The following MROH9 variants were observed in gnomAD, a reference collection of about 807,000 sequenced individuals.
The protein encoded by MROH9 is maestro heat-like repeat-containing protein family member 9.
In MROH9, 92 loss-of-function variants were observed where a neutral mutation model predicts 98.2. That is an observed-to-expected ratio of 0.94 (90% CI 0.79 to 1.11). The LOEUF (loss-of-function observed/expected upper bound fraction) is 1.11. Among genes scored for constraint, MROH9 ranks in the 50% most tolerant of loss-of-function variants. The pLI, the probability that MROH9 is intolerant of heterozygous loss-of-function variation, is 0.00. For missense variants in MROH9, 1,057 were observed against 1,014.8 expected, an observed-to-expected ratio of 1.04 and a Z score of -0.57; for synonymous variants, 397 against 368.9, an observed-to-expected ratio of 1.08 and a Z score of -0.87.
chr1:170,986,717 T>C lies in MROH9; in HGVS notation c.879+7T>C. The C allele has an allele frequency of 6.2e-7, 1 of 1,612,914 alleles. No individual in the cohort carries two copies. On this transcript the variant is annotated splice_region_variant and intron_variant, in intron 10 of 21. Transcript: ENST00000367759. ...TGCCGAGAAGGTCACCATGGTAAGA[T>C]ACTTGACAATAAGCAGGAGAGCACA...
intron 20 of MROH9, among the ~76,000 whole-genome samples, chr1:171,053,295 T>G (rs1653729140): frequency 6.6e-6 from 1 of 152,152 alleles, no homozygotes; most frequent in African/African-American, 2.4e-5. Flanking sequence ...TGAGCCCAGT[T>G]TGAAAATGTT....
chr1:171,021,886 A>C (rs1571145815), intron 17 of MROH9, among the ~76,000 whole-genome samples: 2 of 148,988 alleles, frequency 1.3e-5, no homozygotes, highest in African/African-American at 5.1e-5. Flanking sequence ...AATCTACAAG[A>C]AACTTAAATT....
At chr1:170,954,082 G>A (rs1365396243) in intron 3 of MROH9, among the ~76,000 whole-genome samples, 1 of 151,948 alleles carries the variant, frequency 6.6e-6, no homozygotes, top group African/African-American at 2.4e-5. Flanking sequence ...TTGTCACCTG[G>A]ATTCTTTCTG....
At chr1:170,965,950 G>A (rs1650219605) in intron 7 of MROH9, among the ~76,000 whole-genome samples, 1 of 151,696 alleles carries the variant, frequency 6.6e-6, no homozygotes, top group African/African-American at 2.4e-5. Context: ...ACAGTATATA[G>A]CCCATAGTTT....
chr1:170,945,432 A>G (rs560942392), intron 1 of MROH9, 88 bp from the exon 2 acceptor site: 16 of 804,660 alleles, frequency 2.0e-5, no homozygotes, highest in African/African-American at 1.7e-4. Flanking sequence ...CACATACTGT[A>G]TATCATAGTA....
chr1:171,057,417 A>G (rs1395870307), intron 20 of MROH9, among the ~76,000 whole-genome samples: 2 of 152,226 alleles, frequency 1.3e-5, no homozygotes, highest in African/African-American at 4.8e-5. Flanking sequence ...AGATTAGAGA[A>G]AAAAGAATGA....
intron 20 of MROH9, among the ~76,000 whole-genome samples, chr1:171,051,174 T>A (rs1202042044): frequency 2.6e-5 from 4 of 152,182 alleles, no homozygotes; most frequent in Non-Finnish European, 4.4e-5. Context: ...GTGTAAGACA[T>A]TGTGATATTT....
At chr1:170,994,218 T>C (rs1266578944) in intron 12 of MROH9, among the ~76,000 whole-genome samples, 1 of 152,234 alleles carries the variant, frequency 6.6e-6, no homozygotes, top group Non-Finnish European at 1.5e-5. Context: ...TCCATTGGTC[T>C]GTCTTGTCAA....
At chr1:171,046,681 A>G (rs1653482629) in intron 20 of MROH9, among the ~76,000 whole-genome samples, 1 of 152,182 alleles carries the variant, frequency 6.6e-6, no homozygotes, top group African/African-American at 2.4e-5. Flanking sequence ...TCTGCTTAGG[A>G]TAAGAATAGT....
At chr1:170,966,169 T>C (rs951037505) in intron 7 of MROH9, among the ~76,000 whole-genome samples, 6 of 152,136 alleles carry the variant, frequency 3.9e-5, no homozygotes, top group African/African-American at 1.2e-4. Context: ...TTTGCATTCA[T>C]GTAAATATTA....
At chr1:171,003,525 C>A (rs1651852714) in intron 15 of MROH9, among the ~76,000 whole-genome samples, 1 of 152,180 alleles carries the variant, frequency 6.6e-6, no homozygotes, top group South Asian at 2.1e-4. Context: ...CTGGGTCTAG[C>A]CACCCTGTGA....
intron 20 of MROH9, among the ~76,000 whole-genome samples, chr1:171,047,378 T>A (rs1416670994): frequency 6.6e-6 from 1 of 152,168 alleles, no homozygotes; most frequent in East Asian, 1.9e-4. Flanking sequence ...GTCAGCTCTA[T>A]TTTCAAATAG....
chr1:171,000,852 G>C (rs1186572778), intron 15 of MROH9, among the ~76,000 whole-genome samples: 1 of 152,066 alleles, frequency 6.6e-6, no homozygotes, highest in African/African-American at 2.4e-5. Context: ...GAATTCTGCT[G>C]TGAATCCATC....
chr1:171,062,223 T>C (rs1396793278), intron 21 of MROH9, 29 bp downstream of exon 21: 3 of 1,437,610 alleles, frequency 2.1e-6, no homozygotes, highest in East Asian at 2.5e-5. Context: ...ACAAAATCTT[T>C]ATGCATAAAT....
chr1:171,011,510 T>C (rs1038321182), intron 15 of MROH9, among the ~76,000 whole-genome samples: 2 of 152,224 alleles, frequency 1.3e-5, no homozygotes, highest in African/African-American at 4.8e-5. Flanking sequence ...TGGAGATTTA[T>C]ATTTTTCCAG....
chr1:171,062,272 AGTTCT>A (rs1654038958), intron 21 of MROH9, 78 bp downstream of exon 21: 4 of 1,040,960 alleles, frequency 3.8e-6, no homozygotes, highest in Non-Finnish European at 5.7e-6. Context: ...GTCACATATG[AGTTCT>A]GTTAGAGTGC....
intron 11 of MROH9, among the ~76,000 whole-genome samples, chr1:170,991,203 G>A (rs1184317866): frequency 3.9e-5 from 6 of 152,162 alleles, no homozygotes; most frequent in Non-Finnish European, 1.5e-5. Flanking sequence ...CTACCAGCAG[G>A]TCTAATTCTA....
chr1:171,003,175 G>T, intron 15 of MROH9, among the ~76,000 whole-genome samples: 1 of 151,594 alleles, frequency 6.6e-6, no homozygotes, highest in Admixed American at 6.6e-5. Context: ...TCCTTGCATT[G>T]GGCTTTGCCT....
At chr1:171,009,754 T>C (rs1652084981) in intron 15 of MROH9, among the ~76,000 whole-genome samples, 1 of 152,228 alleles carries the variant, frequency 6.6e-6, no homozygotes, top group African/African-American at 2.4e-5. Context: ...AGGAACCATG[T>C]CTCCTTGATA....
Sources: gnomAD v4.1 joint callset for allele counts (sites outside exome capture counted in the v4.1 genomes callset) on GRCh38, gnomAD v4.1.1 for gene constraint, MANE v1.5 for transcripts, NCBI Gene and HGNC (gene_info 2026-07-23, HGNC 2026-07-21) for gene names.